Variants in NUDC observed in about 807,000 individuals in gnomAD.
The protein encoded by NUDC is nuclear distribution C, dynein complex regulator, also known as nuclear migration protein nudC.
NUDC carries 14 observed loss-of-function variants against 45.0 expected under a neutral mutation model. That is an observed-to-expected ratio of 0.31 (90% CI 0.21 to 0.49). The LOEUF (loss-of-function observed/expected upper bound fraction) is 0.49, where lower values mean the gene tolerates loss of function less well. NUDC is among the 20% of genes least tolerant of loss of function. The pLI, the probability that NUDC is intolerant of heterozygous loss-of-function variation, is 0.99. For synonymous variants in NUDC, 153 were observed against 156.7 expected (o/e 0.98, Z 0.17); for missense variants, 323 against 426.2 (o/e 0.76, Z 2.13).
At chr1:26,917,240 G>A (rs563655437), upstream of NUDC, among the ~76,000 whole-genome samples, 5 of 151,084 alleles carry the variant, frequency 3.3e-5, no homozygotes, top group East Asian at 3.9e-4. Flanking sequence ...ACTGGGCAAC[G>A]GAGTGAGACC....
At position 26,942,658 on chromosome 1, in the gene NUDC, A is replaced by G; in HGVS notation, c.430-2A>G. On this transcript the variant is annotated splice_acceptor_variant, in intron 4 of 8. Coordinates refer to ENST00000321265, the MANE Select transcript of NUDC (RefSeq NM_006600.4). LOFTEE classifies it high-confidence loss of function. Reference sequence around the variant, plus strand: ...TAGCTGAGTGTCCCTGATTGTAAGCAGGATACTGAGGAAGATGAGGAGGAA... The same window carrying G: ...TAGCTGAGTGTCCCTGATTGTAAGCGGGATACTGAGGAAGATGAGGAGGAA... 6.2e-7 allele frequency: 1 copy of G among 1,614,120 alleles called. No homozygotes were observed. The highest frequency in any genetic ancestry group is 8.5e-7 in the Non-Finnish European group (1 of 1,180,030).
rs145426659 is a variant in NUDC at position 26,928,056 on chromosome 1, A to G, written c.159+3890A>G. Among the ~76,000 whole-genome samples, 191 of 152,310 alleles carry G rather than the reference A, an allele frequency of 1.3e-3. 2 individuals are homozygous for G. In the East Asian group the frequency reaches 0.034, roughly 27 times the overall value. ...GTTTTTATAGCTTTTGGGGCTAGGAATTGTAGACTTGAATACAGCCATAGT... is the reference window on the plus strand; with the variant it reads ...GTTTTTATAGCTTTTGGGGCTAGGAGTTGTAGACTTGAATACAGCCATAGT... On this transcript the variant is annotated intron_variant, in intron 2 of 8. Coordinates refer to ENST00000321265, the MANE Select transcript of NUDC (RefSeq NM_006600.4).
intron 1 of NUDC, 169 bp downstream of exon 1, chr1:26,922,098 C>T: frequency 1.4e-6 from 1 of 700,764 alleles, no homozygotes; most frequent in Non-Finnish European, 2.4e-6. Flanking sequence ...GCAGGTCTCA[C>T]CCGGTTCGCA....
upstream of NUDC, among the ~76,000 whole-genome samples, chr1:26,921,531 T>G (rs993431823): frequency 2.6e-5 from 4 of 152,214 alleles, no homozygotes; most frequent in African/African-American, 7.2e-5. Context: ...CGGCATCGGG[T>G]GACCATAGCA....
intron 2 of NUDC, among the ~76,000 whole-genome samples, chr1:26,909,928 T>A (rs1023780679): frequency 1.3e-5 from 2 of 151,918 alleles, no homozygotes; most frequent in African/African-American, 4.8e-5. Flanking sequence ...AGGAGGGACA[T>A]TGAAGTCACC....
intron 6 of NUDC, among the ~76,000 whole-genome samples, chr1:26,944,804 A>G (rs2082305936): frequency 6.6e-6 from 1 of 151,838 alleles, no homozygotes; most frequent in Non-Finnish European, 1.5e-5. Context: ...ACTTTGGGAG[A>G]CTGAGGCAGG....
intron 1 of NUDC, 28 bp downstream of exon 1, chr1:26,921,957 C>G: frequency 6.5e-7 from 1 of 1,547,092 alleles, no homozygotes; most frequent in South Asian, 1.2e-5. Flanking sequence ...GTCGGCCCAC[C>G]CGGCGGCCTT....
chr1:26,924,678 T>G, intron 2 of NUDC, among the ~76,000 whole-genome samples: 1 of 151,596 alleles, frequency 6.6e-6, no homozygotes, highest in East Asian at 1.9e-4. Context: ...CTCAGCCTCC[T>G]GAGTAAGTGG....
chr1:26,905,124 G>T (rs1466933406), intron 2 of NUDC, among the ~76,000 whole-genome samples: 1 of 140,296 alleles, frequency 7.1e-6, no homozygotes. Flanking sequence ...AGGCGTGAGC[G>T]ACTGAGCCTG....
At chr1:26,945,802 C>A in intron 8 of NUDC, 116 bp downstream of exon 8, 2 of 853,814 alleles carry the variant, frequency 2.3e-6, no homozygotes, top group South Asian at 2.7e-5. Flanking sequence ...CCCTTTCCAG[C>A]CATGTTTATG....
Position 26,931,016 on chromosome 1 carries a change from A to C in NUDC, c.159+6850A>C, listed in dbSNP as rs2082178635. Among the ~76,000 whole-genome samples, 3 of 152,042 alleles carry C rather than the reference A, an allele frequency of 2.0e-5. 1 individual carries two copies. Among genetic ancestry groups the C allele is most frequent in the African/African-American group, 7.2e-5 (3 of 41,434 alleles). On this transcript the variant is annotated intron_variant, in intron 2 of 8. Coordinates refer to ENST00000321265, the MANE Select transcript of NUDC (RefSeq NM_006600.4). The stretch of plus-strand genomic sequence containing the variant: ...GGGCCACAGAGCGAGACTCTGTCTC[A>C]GAAAAAAAGTGTGGTAAAAAGCACA...
exon 1 of NUDC, chr1:26,900,371 C>T (rs1329043983): frequency 1.2e-6 from 2 of 1,614,020 alleles, no homozygotes; most frequent in Non-Finnish European, 1.7e-6. Context: ...GGGCCGAGCG[C>T]AACACGGAGG....
intron 3 of NUDC, chr1:26,913,411 G>A: frequency 6.2e-7 from 1 of 1,614,046 alleles, no homozygotes; most frequent in East Asian, 2.2e-5. Context: ...GAGCTCACCG[G>A]GGTTGAAGAG....
At chr1:26,901,712 T>G (rs1407583075) in intron 1 of NUDC, among the ~76,000 whole-genome samples, 1 of 152,152 alleles carries the variant, frequency 6.6e-6, no homozygotes, top group African/African-American at 2.4e-5. Flanking sequence ...GCCCTCTTTG[T>G]ACGTTTTTTA....
chr1:26,914,680 T>G (rs1490467063), intron 3 of NUDC, among the ~76,000 whole-genome samples: 2 of 152,136 alleles, frequency 1.3e-5, no homozygotes, highest in Admixed American at 6.5e-5. Context: ...TAAAAGATAG[T>G]TGCCAGCCGG....
At chr1:26,934,646 T>C (rs931359584) in intron 2 of NUDC, among the ~76,000 whole-genome samples, 1 of 152,048 alleles carries the variant, frequency 6.6e-6, no homozygotes, top group Non-Finnish European at 1.5e-5. Context: ...GACTGGGTAA[T>C]TTATAAAGGA....
chr1:26,925,758 G>A (rs1234643802), intron 2 of NUDC, among the ~76,000 whole-genome samples: 2 of 122,938 alleles, frequency 1.6e-5, no homozygotes, highest in East Asian at 2.4e-4. Flanking sequence ...GTTTCACTCT[G>A]TTGCCCAGGC....
At chr1:26,926,160 C>G (rs892363900) in intron 2 of NUDC, among the ~76,000 whole-genome samples, 1 of 151,942 alleles carries the variant, frequency 6.6e-6, no homozygotes, top group Non-Finnish European at 1.5e-5. Context: ...AGATTACAGG[C>G]GTGAGCCACC....
chr1:26,921,991 C>T, intron 1 of NUDC, 62 bp downstream of exon 1: 4 of 1,507,404 alleles, frequency 2.7e-6, no homozygotes, highest in African/African-American at 1.4e-5. Context: ...CCGCCCTTCT[C>T]TGCCTTCGAG....
Sources: allele counts gnomAD v4.1 joint callset (sites outside exome capture counted in the v4.1 genomes callset), GRCh38; gene constraint gnomAD v4.1.1; transcripts MANE v1.5; gene names NCBI Gene and HGNC (gene_info 2026-07-23, HGNC 2026-07-21).